Variants in FSIP1 observed in about 807,000 individuals in gnomAD.
FSIP1 encodes fibrous sheath-interacting protein 1.
In FSIP1, 65 loss-of-function variants were observed where a neutral mutation model predicts 60.9. That is an observed-to-expected ratio of 1.07 (90% CI 0.87 to 1.31). FSIP1 has a LOEUF of 1.31. Among genes scored for constraint, FSIP1 ranks in the 40% most tolerant of loss-of-function variants. The pLI, the probability that FSIP1 is intolerant of heterozygous loss-of-function variation, is 0.00. For synonymous variants in FSIP1, 209 were observed against 221.2 expected, an observed-to-expected ratio of 0.94 and a Z score of 0.49; for missense variants, 675 against 665.5, an observed-to-expected ratio of 1.01 and a Z score of -0.16.
At chr15:39,753,719 G>A (rs1897229343) in intron 5 of FSIP1, among the ~76,000 whole-genome samples, 1 of 151,214 alleles carries the variant, frequency 6.6e-6, no homozygotes, top group Admixed American at 6.6e-5. Context: ...TGTTAAAAAG[G>A]ACACAAAAAT....
chr15:39,671,929 T>C (rs1325266986), intron 10 of FSIP1, among the ~76,000 whole-genome samples: 1 of 152,168 alleles, frequency 6.6e-6, no homozygotes, highest in Non-Finnish European at 1.5e-5. Flanking sequence ...AGCAGGGAGC[T>C]AGCCTTCCCA....
At chr15:39,729,247 C>T (rs1349520447) in intron 8 of FSIP1, among the ~76,000 whole-genome samples, 2 of 152,138 alleles carry the variant, frequency 1.3e-5, no homozygotes, top group African/African-American at 4.8e-5. Flanking sequence ...GGTATATACC[C>T]AAAGGAATAT....
intron 8 of FSIP1, among the ~76,000 whole-genome samples, chr15:39,731,403 A>G (rs1395672045): frequency 6.6e-6 from 1 of 152,226 alleles, no homozygotes; most frequent in African/African-American, 2.4e-5. Flanking sequence ...AATACCATAT[A>G]GCCTAAATGA....
At chr15:39,668,801 A>G (rs772465676) in intron 10 of FSIP1, among the ~76,000 whole-genome samples, 1 of 152,132 alleles carries the variant, frequency 6.6e-6, no homozygotes, top group Non-Finnish European at 1.5e-5. Flanking sequence ...TTTTCTTCAC[A>G]TATATTGACT....
chr15:39,735,282 G>A (rs1896565003), intron 8 of FSIP1, among the ~76,000 whole-genome samples: 1 of 152,200 alleles, frequency 6.6e-6, no homozygotes, highest in Admixed American at 6.5e-5. Context: ...CTAGATGGTA[G>A]AGTGTACTAC....
Position 39,689,993 on chromosome 15 carries a change from T to C in FSIP1, c.1188+23451A>G, listed in dbSNP as rs764996557. Among the ~76,000 whole-genome samples the C allele has an allele frequency of 3.9e-5, 6 of 152,204 alleles. No individual in the cohort carries two copies. The South Asian group carries it at 1.0e-3, about 26-fold the overall frequency. On this transcript the variant is annotated intron_variant, in intron 10 of 11. Coordinates refer to ENST00000350221, the MANE Select transcript of FSIP1 (RefSeq NM_152597.5). ...GGCTTTAATGTTGGGATTCAGATGA[T>C]ATGGAGTGGAGTTTTTCTACCATAA... is the stretch of plus-strand genomic sequence containing the variant.
At chr15:39,657,742 A>C (rs1893126573) in intron 10 of FSIP1, among the ~76,000 whole-genome samples, 1 of 152,200 alleles carries the variant, frequency 6.6e-6, no homozygotes, top group African/African-American at 2.4e-5. Flanking sequence ...GGACATAAAA[A>C]TGAAAACAAC....
chr15:39,617,377 A>G (rs1231617426), intron 11 of FSIP1, among the ~76,000 whole-genome samples: 6 of 152,220 alleles, frequency 3.9e-5, no homozygotes, highest in African/African-American at 1.4e-4. Flanking sequence ...CATTCCTTAG[A>G]ACAAATTTTC....
At chr15:39,776,713 T>C (rs978871747) in intron 1 of FSIP1, among the ~76,000 whole-genome samples, 182 bp from the exon 2 acceptor site, 7 of 152,182 alleles carry the variant, frequency 4.6e-5, no homozygotes, top group Admixed American at 4.6e-4. Flanking sequence ...TGTTCAATCT[T>C]ATGCCACAGT....
At chr15:39,714,287 C>T (rs542375402) in intron 9 of FSIP1, among the ~76,000 whole-genome samples, 1 of 152,098 alleles carries the variant, frequency 6.6e-6, no homozygotes. Context: ...ACCATATTTT[C>T]CCAAAGTTAA....
intron 10 of FSIP1, among the ~76,000 whole-genome samples, chr15:39,687,342 T>G (rs1441126370): frequency 6.6e-6 from 1 of 151,808 alleles, no homozygotes; most frequent in Non-Finnish European, 1.5e-5. Context: ...TTAGTAGAAA[T>G]GGGGTTTCAC....
At position 39,704,339 on chromosome 15, in the gene FSIP1, A is replaced by T. The variant is rs192593147; in HGVS notation, c.1188+9105T>A. Among the ~76,000 whole-genome samples, 668 of 152,386 alleles carry T rather than the reference A, an allele frequency of 4.4e-3. 8 individuals carry two copies. The highest frequency in any genetic ancestry group is 0.015 in the African/African-American group (629 of 41,600). On this transcript the variant is annotated intron_variant, in intron 10 of 11. Coordinates refer to ENST00000350221, the MANE Select transcript of FSIP1 (RefSeq NM_152597.5). ...CAATTCGGACCTTCATTAATGTACG[A>T]ATGCCAAAGCACACTAGTTGGTCTT... is the stretch of plus-strand genomic sequence containing the variant.
At position 39,726,763 on chromosome 15, in the gene FSIP1, G is replaced by T; in HGVS notation, c.892-16C>A. On this transcript the variant is annotated splice_polypyrimidine_tract_variant and intron_variant, in intron 8 of 11. Coordinates refer to ENST00000350221, the MANE Select transcript of FSIP1 (RefSeq NM_152597.5). Reference sequence around the variant, plus strand: ...ACTGATCACCCTAAGAGGAAACAAGGGTCACCAGGTCATTCTCAGGCTATA... The same window carrying T: ...ACTGATCACCCTAAGAGGAAACAAGTGTCACCAGGTCATTCTCAGGCTATA... 1 of 1,609,388 alleles carries T rather than the reference G, an allele frequency of 6.2e-7. No individual in the cohort carries two copies. The highest frequency in any genetic ancestry group is 8.5e-7 in the Non-Finnish European group (1 of 1,177,650).
chr15:39,623,438 G>T (rs1035061374), intron 10 of FSIP1, among the ~76,000 whole-genome samples: 2 of 152,134 alleles, frequency 1.3e-5, no homozygotes, highest in Non-Finnish European at 1.5e-5. Context: ...GTGAGAAAAG[G>T]GTGGAAAGCT....
At chr15:39,678,035 CA>C (rs1279425232) in intron 10 of FSIP1, among the ~76,000 whole-genome samples, 1 of 150,356 alleles carries the variant, frequency 6.7e-6, no homozygotes, top group African/African-American at 2.4e-5. Flanking sequence ...TAATTATTGA[CA>C]AGGAAAATTT....
intron 10 of FSIP1, among the ~76,000 whole-genome samples, chr15:39,671,521 C>T (rs776447484): frequency 6.6e-6 from 1 of 152,218 alleles, no homozygotes; most frequent in African/African-American, 2.4e-5. Flanking sequence ...TGTTTTCATT[C>T]TATGCTACTA....
intron 9 of FSIP1, among the ~76,000 whole-genome samples, chr15:39,719,307 T>C (rs1282507624): frequency 6.6e-6 from 1 of 152,228 alleles, no homozygotes; most frequent in African/African-American, 2.4e-5. Flanking sequence ...AACATATCAT[T>C]TCTGTGTTTC....
At chr15:39,780,512 T>TC (rs909624132) in intron 1 of FSIP1, among the ~76,000 whole-genome samples, 53 of 152,248 alleles carry the variant, frequency 3.5e-4, no homozygotes, top group African/African-American at 1.3e-3. Context: ...AGAGCGAGAC[T>TC]CCGTGTCAAA....
chr15:39,746,686 A>T lies in FSIP1; in HGVS notation c.560-4786T>A, dbSNP rs550958353. 1.8e-4 allele frequency among the ~76,000 whole-genome samples: 28 copies of T among 152,298 alleles called. No homozygotes were observed. The South Asian group carries it at 5.4e-3, about 29-fold the overall frequency. The stretch of plus-strand genomic sequence containing the variant: ...CAGCAGACATTTTGAAAATAACTAT[A>T]AAAAAATCATAAAATTTCTAAAAAC... On this transcript the variant is annotated intron_variant, in intron 5 of 11. Coordinates refer to ENST00000350221, the MANE Select transcript of FSIP1 (RefSeq NM_152597.5).
Sources: allele counts gnomAD v4.1 joint callset (sites outside exome capture counted in the v4.1 genomes callset), GRCh38; gene constraint gnomAD v4.1.1; transcripts MANE v1.5; gene names NCBI Gene and HGNC (gene_info 2026-07-23, HGNC 2026-07-21).